Variants in UBQLN1 observed in about 807,000 individuals in gnomAD.
The protein encoded by UBQLN1 is ubiquilin 1.
Under a neutral mutation model 65.4 loss-of-function variants are expected in UBQLN1, and 13 were observed. The ratio of observed to expected loss-of-function variants is 0.20; its 90% CI spans 0.13 to 0.32. The LOEUF is 0.32. Ranked by LOEUF, UBQLN1 falls within the 10% of genes least tolerant of loss-of-function variation. The pLI, the probability that UBQLN1 is intolerant of heterozygous loss-of-function variation, is 1.00. For synonymous variants in UBQLN1, 267 were observed against 247.8 expected, an observed-to-expected ratio of 1.08 and a Z score of -0.73; for missense variants, 561 against 724.0, an observed-to-expected ratio of 0.77 and a Z score of 2.58.
chr9:83,683,498 C>A (rs1831985147), intron 2 of UBQLN1, among the ~76,000 whole-genome samples: 1 of 150,320 alleles, frequency 6.7e-6, no homozygotes, highest in East Asian at 2.0e-4. Flanking sequence ...ATCAAATTAT[C>A]ATTTAGTAAA....
At position 83,665,044 on chromosome 9, in the gene UBQLN1, C is replaced by G. The variant is rs534640908; in HGVS notation, c.1434G>C (p.Pro478=). 1 of 1,613,130 alleles carries G rather than the reference C, an allele frequency of 6.2e-7. No homozygotes were observed. The highest frequency in any genetic ancestry group is 1.1e-5 in the South Asian group (1 of 90,950). Residue 478 remains proline (P), a synonymous_variant, in exon 9 of 11, where the codon CCG becomes CCC. Coordinates refer to ENST00000376395, the MANE Select transcript of UBQLN1 (RefSeq NM_013438.5). ...AATAAGCCTACCCTGGGATGAGGCCCGGGGCTTCCGTTGCTAATGTCTGTA... is the reference window on the plus strand; with the variant it reads ...AATAAGCCTACCCTGGGATGAGGCCGGGGGCTTCCGTTGCTAATGTCTGTA... ...QGLQTLATEA[P]GLIPGFTPGL... is the part of the protein sequence containing the mutation.
At chr9:83,697,104 C>CTTGAA (rs1458663179) in intron 1 of UBQLN1, among the ~76,000 whole-genome samples, 1 of 151,996 alleles carries the variant, frequency 6.6e-6, no homozygotes, top group Admixed American at 6.6e-5. Flanking sequence ...ACTGAAAAGC[C>CTTGAA]AGTCAAAGGA....
Position 83,707,879 on chromosome 9 carries a change from C to G in UBQLN1, c.-200G>C. On this transcript the variant is annotated 5_prime_UTR_variant, in exon 1 of 11. Coordinates refer to ENST00000376395, the MANE Select transcript of UBQLN1 (RefSeq NM_013438.5). Reference sequence around the variant, plus strand: ...TGCAGGCTCTGGCGCAGGCCCGGGTCAGGCGCTCGGCAGCCGCCGTGTGTT... The same window carrying G: ...TGCAGGCTCTGGCGCAGGCCCGGGTGAGGCGCTCGGCAGCCGCCGTGTGTT... The G allele has an allele frequency of 6.9e-6, 5 of 722,450 alleles. No homozygotes were observed. Among genetic ancestry groups the G allele is most frequent in the Non-Finnish European group, 1.0e-5 (5 of 483,194 alleles). The allele number at this position is 722,450 out of a possible 1,614,324, so 44.8% of individuals were successfully genotyped here. A position where few individuals can be genotyped will look rare whatever the true frequency, so the allele number is the denominator to read the frequency against.
At chr9:83,688,668 T>C (rs1337834114) in intron 1 of UBQLN1, among the ~76,000 whole-genome samples, 4 of 151,780 alleles carry the variant, frequency 2.6e-5, no homozygotes, top group Non-Finnish European at 5.9e-5. Context: ...AGAGAACATC[T>C]TGGCCAACAT....
At chr9:83,681,456 G>T (rs893324600) in intron 3 of UBQLN1, among the ~76,000 whole-genome samples, 5 of 152,090 alleles carry the variant, frequency 3.3e-5, no homozygotes, top group Admixed American at 2.6e-4. Flanking sequence ...CTTCAGTAAA[G>T]AATATTCACA....
chr9:83,686,072 T>C lies in UBQLN1; in HGVS notation c.264A>G (p.Gln88=), dbSNP rs1425386790. The C allele has an allele frequency of 6.2e-7, 1 of 1,603,810 alleles. No homozygotes were observed. The highest frequency in any genetic ancestry group is 1.1e-5 in the South Asian group (1 of 88,452). Residue 88 remains glutamine (Q), a synonymous_variant, in exon 2 of 11, where the codon CAA becomes CAG. Transcript: ENST00000376395. ...GAATTCCATGCTGACTCAAGGTATC[T>C]TGATCTTTCAAAATTTTTCCAGCAA... ...LIFAGKILKD[Q]DTLSQHGIHD...
intron 1 of UBQLN1, among the ~76,000 whole-genome samples, chr9:83,691,337 G>A (rs182099550): frequency 2.0e-5 from 3 of 152,142 alleles, no homozygotes; most frequent in Admixed American, 2.0e-4. Context: ...GCTAAAAGAT[G>A]ATCCATTAAC....
intron 1 of UBQLN1, among the ~76,000 whole-genome samples, chr9:83,699,600 C>T (rs1564173237): frequency 6.6e-6 from 1 of 152,128 alleles, no homozygotes; most frequent in Non-Finnish European, 1.5e-5. Flanking sequence ...CCACCTTGGC[C>T]CCGCAAAGTG....
chr9:83,681,080 GTTTAAGT>G (rs1223857543), intron 3 of UBQLN1, among the ~76,000 whole-genome samples: 1 of 152,196 alleles, frequency 6.6e-6, no homozygotes, highest in East Asian at 1.9e-4. Context: ...CAAAAGACTA[GTTTAAGT>G]TTTATTAACA....
At chr9:83,666,299 T>A in intron 8 of UBQLN1, 51 bp downstream of exon 8, 1 of 1,580,336 alleles carries the variant, frequency 6.3e-7, no homozygotes, top group South Asian at 1.1e-5. Context: ...TATCATCAAA[T>A]TTTTTCAAGC....
intron 6 of UBQLN1, among the ~76,000 whole-genome samples, chr9:83,674,729 C>T (rs764303558): frequency 6.6e-6 from 1 of 152,158 alleles, no homozygotes. Flanking sequence ...TCTTGATAAG[C>T]TGACAGATGT....
intron 3 of UBQLN1, among the ~76,000 whole-genome samples, chr9:83,680,691 G>C (rs1424768689): frequency 1.3e-5 from 2 of 152,166 alleles, no homozygotes; most frequent in Admixed American, 6.6e-5. Flanking sequence ...CCAAGCATTT[G>C]TCTGTTTCTG....
chr9:83,705,165 G>C (rs1359037207), intron 1 of UBQLN1, among the ~76,000 whole-genome samples: 3 of 151,608 alleles, frequency 2.0e-5, no homozygotes, highest in African/African-American at 7.3e-5. Context: ...GGAGCAACAG[G>C]AACTCCCATG....
At chr9:83,698,395 T>G (rs1328004845) in intron 1 of UBQLN1, among the ~76,000 whole-genome samples, 1 of 152,236 alleles carries the variant, frequency 6.6e-6, no homozygotes, top group Non-Finnish European at 1.5e-5. Context: ...TATGCTTAAG[T>G]GTAAATTACA....
At chr9:83,682,649 C>T (rs776582366) in intron 3 of UBQLN1, among the ~76,000 whole-genome samples, 7 of 152,248 alleles carry the variant, frequency 4.6e-5, no homozygotes, top group Middle Eastern at 3.4e-3. Context: ...TATTCAGGGA[C>T]GCTGGCTTAC....
chr9:83,686,851 T>C (rs1332112146), intron 1 of UBQLN1, among the ~76,000 whole-genome samples: 1 of 151,978 alleles, frequency 6.6e-6, no homozygotes, highest in Non-Finnish European at 1.5e-5. Flanking sequence ...TTTCCAACTT[T>C]GGATTTTCAA....
intron 1 of UBQLN1, among the ~76,000 whole-genome samples, chr9:83,704,671 GA>G (rs1219264349): frequency 6.6e-6 from 1 of 151,794 alleles, no homozygotes; most frequent in Non-Finnish European, 1.5e-5. Flanking sequence ...CTACAAATAG[GA>G]AAATTAGCCG....
chr9:83,678,506 AT>A lies in UBQLN1; in HGVS notation c.804del (p.Tyr269IlefsTer4), dbSNP rs779432274. The A allele has an allele frequency of 6.2e-7, 1 of 1,614,006 alleles. No homozygotes were observed. Among genetic ancestry groups the A allele is most frequent in the Non-Finnish European group, 8.5e-7 (1 of 1,179,990 alleles). ...ALSNLESIPG[G>X]YNALRRMYTD... ...GTGTACATGCGCCTTAAAGCATTAT[AT>A]CCCCCTGGGATGCTTTCTAGGTTGC... is the stretch of plus-strand genomic sequence containing the variant. On this transcript the variant is annotated frameshift_variant, in exon 5 of 11. Transcript: ENST00000376395. LOFTEE classifies it high-confidence loss of function.
chr9:83,707,088 T>C lies in UBQLN1; in HGVS notation c.180+412A>G, dbSNP rs533579784. 3.9e-5 allele frequency among the ~76,000 whole-genome samples: 6 copies of C among 152,206 alleles called. No individual in the cohort carries two copies. The South Asian group carries it at 1.0e-3, about 26-fold the overall frequency. On this transcript the variant is annotated intron_variant, in intron 1 of 10. Transcript: ENST00000376395. ...GAGGATCCCACCCACCCCTTTTTAA[T>C]TCATGAAACAAAACCGCAGCCTGAG...
Sources: gnomAD v4.1 joint callset for allele counts (sites outside exome capture counted in the v4.1 genomes callset) on GRCh38, gnomAD v4.1.1 for gene constraint, MANE v1.5 for transcripts, NCBI Gene and HGNC (gene_info 2026-07-23, HGNC 2026-07-21) for gene names.